Variants in CAP2 observed in about 807,000 individuals in gnomAD.
CAP2 encodes adenylyl cyclase-associated protein 2.
A neutral mutation model predicts 57.7 loss-of-function variants in CAP2; 24 were observed. The ratio of observed to expected loss-of-function variants is 0.42; its 90% confidence interval spans 0.30 to 0.58. The LOEUF (loss-of-function observed/expected upper bound fraction) is 0.58, where lower values mean the gene tolerates loss of function less well. Among genes scored for constraint, CAP2 ranks in the 20% least tolerant of loss-of-function variants. CAP2 has a pLI of 0.22. For synonymous variants in CAP2, 194 were observed against 207.2 expected (o/e 0.94, Z 0.55); for missense variants, 501 against 590.3 (o/e 0.85, Z 1.57).
At chr6:17,446,041 GT>G (rs1260386206) in intron 3 of CAP2, among the ~76,000 whole-genome samples, 2 of 152,016 alleles carry the variant, frequency 1.3e-5, no homozygotes, top group South Asian at 2.1e-4. Flanking sequence ...TCGTATTTCA[GT>G]TTTTTTAATT....
At chr6:17,436,559 G>A (rs1759894582) in intron 3 of CAP2, among the ~76,000 whole-genome samples, 1 of 152,176 alleles carries the variant, frequency 6.6e-6, no homozygotes, top group African/African-American at 2.4e-5. Flanking sequence ...CTACCCCAAG[G>A]TTTGGAGAGG....
chr6:17,449,219 A>G (rs1373773668), intron 3 of CAP2, among the ~76,000 whole-genome samples: 1 of 152,212 alleles, frequency 6.6e-6, no homozygotes, highest in Non-Finnish European at 1.5e-5. Flanking sequence ...TGTGACCTAA[A>G]GAGAGAGCAC....
intron 3 of CAP2, among the ~76,000 whole-genome samples, chr6:17,461,630 G>A (rs1760721489): frequency 6.6e-6 from 1 of 152,038 alleles, no homozygotes; most frequent in Admixed American, 6.6e-5. Flanking sequence ...AGAAAAAAAT[G>A]CCAAAATGGT....
chr6:17,447,467 G>A (rs1760291550), intron 3 of CAP2, among the ~76,000 whole-genome samples: 1 of 152,192 alleles, frequency 6.6e-6, no homozygotes, highest in South Asian at 2.1e-4. Context: ...CCTGGGCACA[G>A]CTATCAACAA....
At chr6:17,546,482 C>T (rs971172951) in intron 11 of CAP2, among the ~76,000 whole-genome samples, 2 of 152,078 alleles carry the variant, frequency 1.3e-5, no homozygotes, top group Admixed American at 6.6e-5. Flanking sequence ...AATTTTCTCC[C>T]GTTCTGTAGG....
In CAP2 at chr6:17,513,065, T is replaced by C. The variant is rs1281363777; in HGVS notation, c.531-784T>C. Among the ~76,000 whole-genome samples the C allele has an allele frequency of 6.6e-6, 1 of 152,198 alleles. No homozygotes were observed. The highest frequency in any genetic ancestry group is 1.9e-4 in the East Asian group (1 of 5,200). ...AGAAAAAATATATTATAGGTAAAAATTGCCGAAAGGAAATGCAACTATTTT... is the reference window on the plus strand; with the variant it reads ...AGAAAAAATATATTATAGGTAAAAACTGCCGAAAGGAAATGCAACTATTTT... On this transcript the variant is annotated intron_variant, in intron 6 of 12. Coordinates refer to ENST00000229922, the MANE Select transcript of CAP2 (RefSeq NM_006366.3). This position sits in a 1 kb window ranked among gnomAD's most constrained non-coding sequence, Gnocchi z 4.3.
intron 7 of CAP2, among the ~76,000 whole-genome samples, chr6:17,520,366 T>C (rs997344436): frequency 7.2e-5 from 11 of 152,278 alleles, no homozygotes; most frequent in Non-Finnish European, 1.5e-4. Flanking sequence ...TGCCTTGGCC[T>C]CCCTAAGTGC....
chr6:17,470,747 G>A (rs1760996389), intron 4 of CAP2, among the ~76,000 whole-genome samples: 1 of 152,178 alleles, frequency 6.6e-6, no homozygotes, highest in Admixed American at 6.5e-5. Context: ...AACAGATTTG[G>A]TGAGCATTTG....
intron 11 of CAP2, among the ~76,000 whole-genome samples, chr6:17,545,751 A>G (rs916997438): frequency 9.2e-5 from 14 of 152,032 alleles, no homozygotes; most frequent in Non-Finnish European, 1.9e-4. Flanking sequence ...CTGTGTCCAA[A>G]TGTTCTCATT....
intron 3 of CAP2, among the ~76,000 whole-genome samples, chr6:17,458,899 AAAG>A (rs1420680870): frequency 6.6e-6 from 1 of 151,878 alleles, no homozygotes; most frequent in Non-Finnish European, 1.5e-5. Flanking sequence ...AAAAAAAAAA[AAAG>A]AAAGAATTAA....
chr6:17,531,488 T>C, intron 7 of CAP2: 2 of 1,486,390 alleles, frequency 1.3e-6, no homozygotes. Context: ...CGCTTTTTCA[T>C]AGATAAGCTT....
At chr6:17,494,001 C>T (rs981405971) in intron 4 of CAP2, among the ~76,000 whole-genome samples, 5 of 152,158 alleles carry the variant, frequency 3.3e-5, no homozygotes, top group African/African-American at 1.2e-4. Flanking sequence ...ATTCCTGACT[C>T]CTCATTTGCT....
intron 9 of CAP2, 96 bp downstream of exon 9, chr6:17,541,244 T>A: frequency 1.1e-6 from 1 of 924,698 alleles, no homozygotes; most frequent in Non-Finnish European, 1.6e-6. Context: ...TTTCTTTTTT[T>A]TAATTTTTGT....
intron 7 of CAP2, chr6:17,531,762 C>G: frequency 1.7e-6 from 1 of 585,060 alleles, no homozygotes; most frequent in Non-Finnish European, 3.0e-6. Flanking sequence ...ATGCTTAAAG[C>G]CCTTCAGCTT....
At chr6:17,415,915 C>G (rs1205808898) in intron 1 of CAP2, among the ~76,000 whole-genome samples, 1 of 151,990 alleles carries the variant, frequency 6.6e-6, no homozygotes, top group African/African-American at 2.4e-5. Context: ...GCTTAACAGA[C>G]CCTTCACCAA....
At chr6:17,543,185 T>G in intron 11 of CAP2, 42 bp downstream of exon 11, 1 of 1,504,188 alleles carries the variant, frequency 6.6e-7, no homozygotes, top group Non-Finnish European at 9.2e-7. Flanking sequence ...AAGCAGAGCC[T>G]TTCCAACCAC....
chr6:17,435,715 G>GAAAAAAAAAAAAAAAAAAAAAAAAAAA (rs1581515988), intron 3 of CAP2, among the ~76,000 whole-genome samples: 1 of 121,634 alleles, frequency 8.2e-6, no homozygotes, highest in Non-Finnish European at 1.7e-5. Context: ...GAAGTTTACG[G>GAAAAAAAAAAAAAAAAAAAAAAAAAAA]ATAAAAAAAA....
Position 17,507,194 on chromosome 6 carries a change from CCA to C in CAP2, c.327_328del (p.Ser111GlyfsTer17). 6.2e-7 allele frequency: 1 copy of C among 1,614,012 alleles called. No individual in the cohort carries two copies. The highest frequency in any genetic ancestry group is 8.5e-7 in the Non-Finnish European group (1 of 1,180,024). ...AATGACGTGGCCGCACTTCTGAAAC[CCA>C]TATCGGAAAAGATTCAGGAAATCCA... is the stretch of plus-strand genomic sequence containing the variant. On this transcript the variant is annotated frameshift_variant, in exon 5 of 13. Coordinates refer to ENST00000229922, the MANE Select transcript of CAP2 (RefSeq NM_006366.3). LOFTEE classifies it high-confidence loss of function.
At chr6:17,527,936 G>A (rs1488660991) in intron 7 of CAP2, among the ~76,000 whole-genome samples, 1 of 152,136 alleles carries the variant, frequency 6.6e-6, no homozygotes, top group Non-Finnish European at 1.5e-5. Context: ...ACTCTACTCT[G>A]AGGGCTTGGT....
Sources: gnomAD v4.1 joint callset for allele counts (sites outside exome capture counted in the v4.1 genomes callset) on GRCh38, gnomAD v4.1.1 for gene constraint, Gnocchi (gnomAD v3.1) non-coding constraint, MANE v1.5 for transcripts, NCBI Gene and HGNC (gene_info 2026-07-23, HGNC 2026-07-21) for gene names.